ADAMTS6: variants seen among roughly 807,000 people sequenced by gnomAD.
ADAMTS6 encodes ADAM metallopeptidase with thrombospondin type 1 motif 6.
In ADAMTS6, 23 loss-of-function variants were observed where a neutral mutation model predicts 144.3. The ratio of observed to expected loss-of-function variants is 0.16; its 90% CI spans 0.11 to 0.23. The LOEUF (loss-of-function observed/expected upper bound fraction) is 0.23, where lower values mean the gene tolerates loss of function less well. Among genes scored for constraint, ADAMTS6 ranks in the 10% least tolerant of loss-of-function variants. The pLI is 1.00. For missense variants in ADAMTS6, 999 were observed against 1,379.6 expected, an observed-to-expected ratio of 0.72 and a Z score of 4.37; for synonymous variants, 444 against 457.5, an observed-to-expected ratio of 0.97 and a Z score of 0.38.
intron 22 of ADAMTS6, among the ~76,000 whole-genome samples, chr5:65,183,755 G>T (rs530599627): frequency 2.6e-5 from 4 of 152,276 alleles, no homozygotes; most frequent in Admixed American, 2.6e-4. Flanking sequence ...AATTATGAAT[G>T]CTTCGGAGCA....
chr5:65,205,039 A>G (rs1250623702), intron 20 of ADAMTS6, among the ~76,000 whole-genome samples: 1 of 152,146 alleles, frequency 6.6e-6, no homozygotes, highest in Non-Finnish European at 1.5e-5. Flanking sequence ...TAAGTGAAAG[A>G]TAAGCACATT....
Position 65,149,260 on chromosome 5 carries a change from C to T in ADAMTS6, c.*2576G>A, listed in dbSNP as rs1302559482. ...GTCTGCCATGGTGGCCCAGCCTCCA[C>T]TGACAATGCTATTGTTATTATTTAG... On this transcript the variant is annotated 3_prime_UTR_variant, in exon 25 of 25. Coordinates refer to ENST00000381055, the MANE Select transcript of ADAMTS6 (RefSeq NM_197941.4). 6.6e-6 allele frequency: 1 copy of T among 152,202 alleles called. No homozygotes were observed. Among genetic ancestry groups the T allele is most frequent in the Non-Finnish European group, 1.5e-5 (1 of 68,032 alleles). 9.4% of individuals were successfully genotyped at this position (152,202 alleles called of 1,614,324 possible). A position where few individuals can be genotyped will look rare whatever the true frequency, so the allele number is the denominator to read the frequency against.
chr5:65,227,085 A>G (rs1757784666), intron 15 of ADAMTS6, among the ~76,000 whole-genome samples: 1 of 152,218 alleles, frequency 6.6e-6, no homozygotes. Context: ...ATGGATATAA[A>G]TTTTTATGAG....
At chr5:65,475,668 T>C (rs997902527) in intron 1 of ADAMTS6, among the ~76,000 whole-genome samples, 12 of 151,972 alleles carry the variant, frequency 7.9e-5, no homozygotes, top group Admixed American at 6.6e-4. Context: ...TTGCTGGAGG[T>C]AATCATTACA....
chr5:65,158,479 TTG>T (rs1752556958), intron 24 of ADAMTS6, among the ~76,000 whole-genome samples: 5 of 152,182 alleles, frequency 3.3e-5, no homozygotes, highest in Admixed American at 3.3e-4. Flanking sequence ...ACAGAGTTCC[TTG>T]TACTATTGAG....
chr5:65,287,527 TG>T (rs1741796403), intron 11 of ADAMTS6, among the ~76,000 whole-genome samples: 1 of 152,142 alleles, frequency 6.6e-6, no homozygotes, highest in Admixed American at 6.5e-5. Context: ...ATAATAATTA[TG>T]ATTTGTTTGT....
At chr5:65,427,522 G>A (rs1450903383) in intron 7 of ADAMTS6, among the ~76,000 whole-genome samples, 2 of 152,206 alleles carry the variant, frequency 1.3e-5, no homozygotes, top group East Asian at 3.8e-4. Context: ...ATGCAGGTAT[G>A]AGTCAAAATG....
At chr5:65,428,864 A>C (rs935021965) in intron 7 of ADAMTS6, among the ~76,000 whole-genome samples, 1 of 152,214 alleles carries the variant, frequency 6.6e-6, no homozygotes, top group African/African-American at 2.4e-5. Context: ...AAAGTTGAGG[A>C]AATGAGGAAA....
intron 9 of ADAMTS6, among the ~76,000 whole-genome samples, chr5:65,301,425 G>A (rs1201553385): frequency 6.6e-6 from 1 of 152,126 alleles, no homozygotes; most frequent in African/African-American, 2.4e-5. Context: ...GAAAAAGTCT[G>A]GAAAGGTAGT....
At chr5:65,448,745 G>A (rs1758486936) in intron 7 of ADAMTS6, among the ~76,000 whole-genome samples, 1 of 151,924 alleles carries the variant, frequency 6.6e-6, no homozygotes, top group Admixed American at 6.6e-5. Flanking sequence ...GAGCCACCGC[G>A]CCCGGCCCTG....
At chr5:65,264,465 T>G (rs1421816606) in intron 12 of ADAMTS6, among the ~76,000 whole-genome samples, 1 of 152,150 alleles carries the variant, frequency 6.6e-6, no homozygotes, top group Non-Finnish European at 1.5e-5. Context: ...CAAGTGTCAT[T>G]TCAACAGAGA....
At chr5:65,300,191 C>T in intron 9 of ADAMTS6, 60 bp from the exon 10 acceptor site, 1 of 1,502,510 alleles carries the variant, frequency 6.7e-7, no homozygotes, top group Non-Finnish European at 9.1e-7. Context: ...CAACACATCC[C>T]TTATTTCCTT....
At chr5:65,300,788 C>T (rs62369620) in intron 9 of ADAMTS6, among the ~76,000 whole-genome samples, 31,261 of 151,882 alleles carry the variant, frequency 0.21, 3,301 homozygotes, top group African/African-American at 0.24. Context: ...CCTGTCACCC[C>T]GCCTGGCTAA....
chr5:65,371,786 C>A lies in ADAMTS6; in HGVS notation c.1074-37701G>T, dbSNP rs545741214. Among the ~76,000 whole-genome samples the A allele has an allele frequency of 2.9e-4, 44 of 152,198 alleles. 1 individual carries two copies. The South Asian group carries it at 6.6e-3, about 23-fold the overall frequency. On this transcript the variant is annotated intron_variant, in intron 7 of 24. Coordinates refer to ENST00000381055, the MANE Select transcript of ADAMTS6 (RefSeq NM_197941.4). ...ATACAGAAAATGCCACAAAGATACT[C>A]CTCGAGAAGAGCAACTCCCAAGACA...
chr5:65,249,012 C>CGTGTGT (rs139459475), intron 14 of ADAMTS6, among the ~76,000 whole-genome samples: 1 of 149,988 alleles, frequency 6.7e-6, no homozygotes, highest in East Asian at 1.9e-4. Flanking sequence ...TGTTTTTTGC[C>CGTGTGT]GTGTGTGTGT....
At chr5:65,247,605 G>C (rs1320301619) in intron 14 of ADAMTS6, among the ~76,000 whole-genome samples, 1 of 152,082 alleles carries the variant, frequency 6.6e-6, no homozygotes, top group Non-Finnish European at 1.5e-5. Context: ...TGAAAATGAT[G>C]TATCATTTCT....
intron 20 of ADAMTS6, among the ~76,000 whole-genome samples, chr5:65,206,516 T>C (rs1352012679): frequency 5.3e-5 from 8 of 151,754 alleles, no homozygotes; most frequent in African/African-American, 1.7e-4. Context: ...CTGGCCAACA[T>C]GTGAAACCCC....
chr5:65,475,480 G>A (rs911627852), intron 1 of ADAMTS6, among the ~76,000 whole-genome samples: 1 of 152,138 alleles, frequency 6.6e-6, no homozygotes, highest in African/African-American at 2.4e-5. Context: ...CATAATCTAA[G>A]TAACAAGGAA....
chr5:65,183,783 T>C (rs1377514404), intron 22 of ADAMTS6, among the ~76,000 whole-genome samples: 1 of 152,216 alleles, frequency 6.6e-6, no homozygotes, highest in East Asian at 1.9e-4. Flanking sequence ...GAGATAATCA[T>C]TAGCCTATAC....
Sources: gnomAD v4.1 joint callset for allele counts (sites outside exome capture counted in the v4.1 genomes callset) on GRCh38, gnomAD v4.1.1 for gene constraint, MANE v1.5 for transcripts, NCBI Gene and HGNC (gene_info 2026-07-23, HGNC 2026-07-21) for gene names.